The following SIL1 variants were observed in gnomAD, a reference collection of about 807,000 sequenced individuals.
The protein encoded by SIL1 is SIL1 nucleotide exchange factor.
A neutral mutation model predicts 49.1 loss-of-function variants in SIL1; 40 were observed. The observed-to-expected ratio is 0.81, with a 90% CI of 0.63 to 1.06. The LOEUF (loss-of-function observed/expected upper bound fraction) is 1.06, where lower values mean the gene tolerates loss of function less well. Among genes scored for constraint, SIL1 ranks in the 50% least tolerant of loss-of-function variants. SIL1 has a pLI of 0.00. For synonymous variants in SIL1, 253 were observed against 250.8 expected (o/e 1.01, Z -0.08); for missense variants, 500 against 572.6 (o/e 0.87, Z 1.29).
chr5:139,090,620 C>T (rs1339405948), intron 3 of SIL1, among the ~76,000 whole-genome samples: 1 of 152,152 alleles, frequency 6.6e-6, no homozygotes, highest in South Asian at 2.1e-4. Flanking sequence ...AGGGAAAGCA[C>T]TTTCTTTTTT....
chr5:139,130,291 A>T (rs1274477800), intron 1 of SIL1, among the ~76,000 whole-genome samples: 1 of 152,168 alleles, frequency 6.6e-6, no homozygotes, highest in East Asian at 1.9e-4. Flanking sequence ...CACTAAAAAA[A>T]ATAAAAAAAA....
At chr5:139,107,516 T>C (rs1367019047) in intron 3 of SIL1, among the ~76,000 whole-genome samples, 2 of 152,216 alleles carry the variant, frequency 1.3e-5, no homozygotes, top group Non-Finnish European at 2.9e-5. Flanking sequence ...CAGTAGTAAC[T>C]AAACTATAGA....
At chr5:138,997,441 G>A (rs80100372) in intron 7 of SIL1, among the ~76,000 whole-genome samples, 3,562 of 152,276 alleles carry the variant, frequency 0.023, 131 homozygotes, top group African/African-American at 0.081. Context: ...TGGGTTGGCC[G>A]TAAATGTGTG....
chr5:138,954,565 T>C (rs1232254465), intron 7 of SIL1, among the ~76,000 whole-genome samples: 2 of 152,336 alleles, frequency 1.3e-5, no homozygotes, highest in East Asian at 3.9e-4. Context: ...AGGGGGAAGA[T>C]GAGGCTTGCG....
rs1170025676 is a variant in SIL1 at position 139,098,012 on chromosome 5, A to G, written c.244+23023T>C. On this transcript the variant is annotated intron_variant, in intron 3 of 9. Transcript: ENST00000394817. ...AAGAATCAATGTTGTTAAAATGTCC[A>G]TAGTACCCAAAGCAATCTACAGATT... Among the ~76,000 whole-genome samples, 2 of 152,232 alleles carry G rather than the reference A, an allele frequency of 1.3e-5. 1 individual carries two copies. Among genetic ancestry groups the G allele is most frequent in the Non-Finnish European group, 2.9e-5 (2 of 68,046 alleles).
intron 7 of SIL1, among the ~76,000 whole-genome samples, chr5:138,982,159 A>G (rs951351784): frequency 1.3e-5 from 2 of 152,228 alleles, no homozygotes; most frequent in African/African-American, 2.4e-5. Flanking sequence ...TTTTGAGGAC[A>G]GTAACCATGC....
intron 1 of SIL1, among the ~76,000 whole-genome samples, chr5:139,191,337 C>G (rs1037528370): frequency 7.3e-5 from 11 of 151,434 alleles, no homozygotes; most frequent in African/African-American, 2.7e-4. Context: ...CATGGCCAAT[C>G]AATGTTGTCT....
At chr5:139,102,621 A>T (rs952979296) in intron 3 of SIL1, among the ~76,000 whole-genome samples, 5 of 151,986 alleles carry the variant, frequency 3.3e-5, no homozygotes, top group South Asian at 4.2e-4. Flanking sequence ...AAGAATCCTA[A>T]GGTCCAGCCC....
intron 1 of SIL1, among the ~76,000 whole-genome samples, chr5:139,155,811 G>A (rs1476182189): frequency 1.3e-5 from 2 of 151,812 alleles, no homozygotes; most frequent in Non-Finnish European, 2.9e-5. Context: ...AGGCAGGCAT[G>A]AGGGGGAACT....
intron 7 of SIL1, among the ~76,000 whole-genome samples, chr5:138,974,143 C>G (rs1366136071): frequency 6.6e-6 from 1 of 152,128 alleles, no homozygotes; most frequent in Non-Finnish European, 1.5e-5. Context: ...ATTCCAGAAC[C>G]AAAAGCTAAA....
chr5:139,166,666 C>T (rs1014953896), intron 1 of SIL1, among the ~76,000 whole-genome samples: 9 of 152,136 alleles, frequency 5.9e-5, no homozygotes, highest in Non-Finnish European at 4.4e-5. Context: ...TTTCCTGAGA[C>T]AGGATCTCAT....
At chr5:139,118,563 C>A (rs1330653904) in intron 3 of SIL1, among the ~76,000 whole-genome samples, 1 of 152,170 alleles carries the variant, frequency 6.6e-6, no homozygotes, top group African/African-American at 2.4e-5. Context: ...AGGGTTTGAA[C>A]CCCAAACTGG....
At chr5:139,050,788 T>G in intron 4 of SIL1, 150 bp downstream of exon 4, 1 of 726,180 alleles carries the variant, frequency 1.4e-6, no homozygotes, top group Non-Finnish European at 2.4e-6. Context: ...GAAGTAAACT[T>G]TCATAAAACC....
chr5:139,143,334 C>CATATATAT (rs1344343144), intron 1 of SIL1, among the ~76,000 whole-genome samples: 4 of 100,630 alleles, frequency 4.0e-5, no homozygotes, highest in African/African-American at 1.6e-4. Flanking sequence ...CACACACACA[C>CATATATAT]ACACACACAC....
chr5:139,183,471 G>C (rs562879925), intron 1 of SIL1, among the ~76,000 whole-genome samples: 11 of 152,142 alleles, frequency 7.2e-5, no homozygotes, highest in Non-Finnish European at 1.6e-4. Context: ...GAAAGGGCAA[G>C]GTGATTTTCC....
intron 1 of SIL1, among the ~76,000 whole-genome samples, chr5:139,163,862 A>AT (rs1375018737): frequency 6.6e-6 from 1 of 152,062 alleles, no homozygotes; most frequent in Non-Finnish European, 1.5e-5. Context: ...ATTCACGCCT[A>AT]TAATTCCAGC....
chr5:139,182,427 G>A (rs1752007293), intron 1 of SIL1, among the ~76,000 whole-genome samples: 1 of 152,154 alleles, frequency 6.6e-6, no homozygotes, highest in Admixed American at 6.5e-5. Context: ...GCACACAATG[G>A]GTACTCAGCA....
At chr5:138,972,209 ACCTGGGG>A (rs1309274259) in intron 7 of SIL1, among the ~76,000 whole-genome samples, 7 of 152,180 alleles carry the variant, frequency 4.6e-5, no homozygotes, top group Admixed American at 6.5e-5. Flanking sequence ...TTCACCAACA[ACCTGGGG>A]CCCGCCGAAA....
At chr5:139,161,208 A>C (rs1251148574) in intron 1 of SIL1, among the ~76,000 whole-genome samples, 1 of 152,298 alleles carries the variant, frequency 6.6e-6, no homozygotes, top group East Asian at 1.9e-4. Flanking sequence ...GCGCCATTGC[A>C]CTCCAGCCTG....
Sources: gnomAD v4.1 joint callset for allele counts (sites outside exome capture counted in the v4.1 genomes callset) on GRCh38, gnomAD v4.1.1 for gene constraint, MANE v1.5 for transcripts, NCBI Gene and HGNC (gene_info 2026-07-23, HGNC 2026-07-21) for gene names.